Variants in PTPRJ observed in about 807,000 individuals in gnomAD.
The protein encoded by PTPRJ is receptor-type tyrosine-protein phosphatase eta.
PTPRJ carries 129 observed loss-of-function variants against 141.3 expected under a neutral mutation model. The observed-to-expected ratio is 0.91, with a 90% confidence interval of 0.79 to 1.06. The LOEUF (loss-of-function observed/expected upper bound fraction) is 1.06. Among genes scored for constraint, PTPRJ ranks in the 50% least tolerant of loss-of-function variants. The probability of loss-of-function intolerance (pLI) is 0.00; values close to 1 mark genes in which losing one functional copy is unlikely to be tolerated. For synonymous variants in PTPRJ, 610 were observed against 640.5 expected, an observed-to-expected ratio of 0.95 and a Z score of 0.72; for missense variants, 1,601 against 1,679.7, an observed-to-expected ratio of 0.95 and a Z score of 0.82.
chr11:48,125,170 C>G lies in PTPRJ; in HGVS notation c.1077C>G (p.Ala359=), dbSNP rs747724142. ...ATGGCACAGAAGGACAGCCCCAGGCCATAGAGTTCAGGACAAGTAGGTTGA... is the reference window on the plus strand; with the variant it reads ...ATGGCACAGAAGGACAGCCCCAGGCGATAGAGTTCAGGACAAGTAGGTTGA... ...AANGTEGQPQ[A]IEFRTNAIQV... The change falls in exon 6 of 25, where the codon GCC becomes GCG. Residue 359 remains alanine, a synonymous_variant. Coordinates refer to ENST00000418331, the MANE Select transcript of PTPRJ (RefSeq NM_002843.4). 2 of 1,614,102 alleles carry G rather than the reference C, an allele frequency of 1.2e-6. No homozygotes were observed. The highest frequency in any genetic ancestry group is 3.3e-5 in the Admixed American group (2 of 60,014).
intron 1 of PTPRJ, among the ~76,000 whole-genome samples, chr11:48,035,046 C>T (rs1490914937): frequency 6.6e-6 from 1 of 152,220 alleles, no homozygotes; most frequent in Non-Finnish European, 1.5e-5. Flanking sequence ...CCGAATCCTG[C>T]TATTTCCTCA....
chr11:48,026,967 G>A (rs1288901573), intron 1 of PTPRJ, among the ~76,000 whole-genome samples: 3 of 149,302 alleles, frequency 2.0e-5, no homozygotes, highest in African/African-American at 7.4e-5. Flanking sequence ...CCATGACAAT[G>A]GCCTGATTTG....
At chr11:48,039,859 G>A (rs1004401738) in intron 1 of PTPRJ, among the ~76,000 whole-genome samples, 1 of 151,768 alleles carries the variant, frequency 6.6e-6, no homozygotes, top group South Asian at 2.1e-4. Context: ...TGTGATCTTG[G>A]CTCACTGCAG....
At chr11:48,134,321 T>G (rs779089223) in intron 8 of PTPRJ, among the ~76,000 whole-genome samples, 12 of 152,214 alleles carry the variant, frequency 7.9e-5, no homozygotes, top group Non-Finnish European at 1.2e-4. Context: ...ATATTTTTAG[T>G]GGCTAAAGAG....
intron 1 of PTPRJ, among the ~76,000 whole-genome samples, chr11:48,095,336 G>T (rs922018662): frequency 6.6e-6 from 1 of 152,160 alleles, no homozygotes; most frequent in Non-Finnish European, 1.5e-5. Context: ...CTTTGTTAAT[G>T]CAAACTTTGG....
chr11:48,159,574 G>A (rs901704828), intron 21 of PTPRJ, among the ~76,000 whole-genome samples: 1 of 152,104 alleles, frequency 6.6e-6, no homozygotes, highest in Admixed American at 6.6e-5. Flanking sequence ...TTTAAGAGTT[G>A]GCAAGAATTG....
chr11:48,089,368 T>A (rs1426191310), intron 1 of PTPRJ, among the ~76,000 whole-genome samples: 1 of 151,908 alleles, frequency 6.6e-6, no homozygotes, highest in African/African-American at 2.4e-5. Context: ...ATACGAAAAC[T>A]ATCCAGGCAT....
chr11:48,120,036 A>C (rs1856665989), intron 3 of PTPRJ, among the ~76,000 whole-genome samples: 1 of 152,234 alleles, frequency 6.6e-6, no homozygotes, highest in Admixed American at 6.5e-5. Context: ...GTAAAATTGC[A>C]TGGTGAGCAA....
rs200255695 is a variant in PTPRJ, at chr11:48,137,137, G to A, written c.2008G>A (p.Ala670Thr). The A allele has an allele frequency of 8.8e-5, 142 of 1,612,670 alleles. No homozygotes were observed. Among genetic ancestry groups the A allele is most frequent in the Admixed American group, 2.8e-4 (17 of 60,012 alleles). ...LIEKAGNSSNATQVVTDIGIT... is the reference protein window; with the variant it reads ...LIEKAGNSSNTTQVVTDIGIT... Reference sequence around the variant, plus strand: ...TGAGAAGGCTGGAAATTCCAGCAACGCAACACAAGTAGTCACGGACATTGG... The same window carrying A: ...TGAGAAGGCTGGAAATTCCAGCAACACAACACAAGTAGTCACGGACATTGG... Residue 670 changes from alanine (A) to threonine (T), a missense_variant, in exon 10 of 25, where the codon GCA (alanine) becomes ACA (threonine). Ala to Thr is a moderately conservative substitution (Grantham distance 58). Transcript: ENST00000418331.
chr11:48,131,502 T>A (rs1229206163), intron 8 of PTPRJ: 2 of 774,602 alleles, frequency 2.6e-6, no homozygotes, highest in African/African-American at 3.4e-5. Context: ...TAATAAAATA[T>A]TTCTACAGGA....
intron 7 of PTPRJ, among the ~76,000 whole-genome samples, chr11:48,129,842 T>G (rs1341907800): frequency 6.6e-6 from 1 of 151,804 alleles, no homozygotes; most frequent in Admixed American, 6.6e-5. Context: ...ACACTACAGG[T>G]ATAAGAAGGA....
intron 1 of PTPRJ, among the ~76,000 whole-genome samples, chr11:48,085,516 TG>T (rs1855679095): frequency 6.6e-6 from 1 of 152,072 alleles, no homozygotes; most frequent in Non-Finnish European, 1.5e-5. Flanking sequence ...GGCTAATTTT[TG>T]TATTTTTAGT....
chr11:48,052,196 C>T (rs958540456), intron 1 of PTPRJ, among the ~76,000 whole-genome samples: 5 of 152,186 alleles, frequency 3.3e-5, no homozygotes, highest in African/African-American at 9.7e-5. Context: ...TGAGCTAGCC[C>T]GTCTACAGTG....
rs1002393429 is a variant in PTPRJ at position 47,980,869 on chromosome 11, G to C, written c.-44G>C. 40 of 1,099,016 alleles carry C rather than the reference G, an allele frequency of 3.6e-5. No individual in the cohort carries two copies. Among genetic ancestry groups the C allele is most frequent in the Non-Finnish European group, 4.2e-5 (38 of 904,842 alleles). 68.1% of individuals were successfully genotyped at this position (1,099,016 alleles called of 1,614,324 possible). A position where few individuals can be genotyped will look rare whatever the true frequency, so the allele number is the denominator to read the frequency against. On this transcript the variant is annotated 5_prime_UTR_variant, in exon 1 of 25. Transcript: ENST00000418331. The stretch of plus-strand genomic sequence containing the variant: ...GTGCCCGGGCTCGGGCGCACGGCGG[G>C]GCCCGATTCGCGCGTCCGGGGCACG...
intron 1 of PTPRJ, among the ~76,000 whole-genome samples, chr11:48,054,103 T>G (rs906859298): frequency 6.6e-6 from 1 of 151,852 alleles, no homozygotes; most frequent in Non-Finnish European, 1.5e-5. Flanking sequence ...TGGCTAATTT[T>G]TGTATATTTA....
At chr11:47,985,392 C>G (rs1854023537) in intron 1 of PTPRJ, among the ~76,000 whole-genome samples, 1 of 151,978 alleles carries the variant, frequency 6.6e-6, no homozygotes, top group Admixed American at 6.6e-5. Flanking sequence ...GTGATCTGCC[C>G]ACCTTGGCTC....
intron 3 of PTPRJ, among the ~76,000 whole-genome samples, 175 bp downstream of exon 3, chr11:48,113,158 A>G (rs111831922): frequency 2.0e-5 from 3 of 152,384 alleles, no homozygotes; most frequent in South Asian, 2.1e-4. Flanking sequence ...GAAAAGAATA[A>G]CAAGTAAATC....
At chr11:48,099,051 C>T (rs1222696107) in intron 1 of PTPRJ, among the ~76,000 whole-genome samples, 3 of 152,198 alleles carry the variant, frequency 2.0e-5, no homozygotes, top group African/African-American at 7.2e-5. Context: ...TGCCATAATC[C>T]TTCCTTTCAG....
chr11:48,072,601 T>C (rs1050572396), intron 1 of PTPRJ, among the ~76,000 whole-genome samples: 3 of 152,202 alleles, frequency 2.0e-5, no homozygotes, highest in Non-Finnish European at 4.4e-5. Flanking sequence ...TGAATAGAGA[T>C]AGCAATATAT....
Sources: allele counts gnomAD v4.1 joint callset (sites outside exome capture counted in the v4.1 genomes callset), GRCh38; gene constraint gnomAD v4.1.1; transcripts MANE v1.5; gene names NCBI Gene and HGNC (gene_info 2026-07-23, HGNC 2026-07-21).